The following SRR variants were observed in gnomAD, a reference collection of about 807,000 sequenced individuals.
SRR encodes the protein serine racemase.
In SRR, 19 loss-of-function variants were observed where a neutral mutation model predicts 32.7. The ratio of observed to expected loss-of-function variants is 0.58; its 90% CI spans 0.40 to 0.85. The LOEUF (loss-of-function observed/expected upper bound fraction) is 0.85, where lower values mean the gene tolerates loss of function less well. SRR is among the 40% of genes least tolerant of loss of function. SRR has a pLI of 0.00. For synonymous variants in SRR, 142 were observed against 140.9 expected (o/e 1.01, Z -0.06); for missense variants, 373 against 404.7 (o/e 0.92, Z 0.67).
In SRR at chr17:2,324,297, G is replaced by A. The variant is rs767241753; in HGVS notation, c.*424G>A. Reference sequence around the variant, plus strand: ...TCATAAGTCCATTTGGGGAAGACTCGTTTATACAGGTTCATCAGTACTGTG... The same window carrying A: ...TCATAAGTCCATTTGGGGAAGACTCATTTATACAGGTTCATCAGTACTGTG... On this transcript the variant is annotated 3_prime_UTR_variant, in exon 8 of 8. Coordinates refer to ENST00000344595, the MANE Select transcript of SRR (RefSeq NM_021947.3). 3.0e-5 allele frequency: 47 copies of A among 1,561,306 alleles called. No individual in the cohort carries two copies. The highest frequency in any genetic ancestry group is 3.8e-5 in the Non-Finnish European group (44 of 1,158,494).
In SRR at chr17:2,324,274, A is replaced by G. The variant is rs747070661; in HGVS notation, c.*401A>G. On this transcript the variant is annotated 3_prime_UTR_variant, in exon 8 of 8. Transcript: ENST00000344595. Reference sequence around the variant, plus strand: ...GTACTGGTTCTGGTACATATGGATCATAAGTCCATTTGGGGAAGACTCGTT... The same window carrying G: ...GTACTGGTTCTGGTACATATGGATCGTAAGTCCATTTGGGGAAGACTCGTT... The G allele has an allele frequency of 9.7e-6, 15 of 1,554,252 alleles. No individual in the cohort carries two copies. In the African/African-American group the frequency reaches 9.7e-5, roughly 10 times the overall value.
At chr17:2,306,040 G>C (rs976886010) in intron 1 of SRR, among the ~76,000 whole-genome samples, 1 of 150,614 alleles carries the variant, frequency 6.6e-6, no homozygotes, top group Non-Finnish European at 1.5e-5. Context: ...CAAGTTGGCC[G>C]GGCGCGGTGG....
At chr17:2,306,881 C>A in intron 1 of SRR, 2 of 911,532 alleles carry the variant, frequency 2.2e-6, no homozygotes, top group Non-Finnish European at 3.6e-6. Context: ...GGAACACTCG[C>A]GGACTGTGTG....
intron 1 of SRR, among the ~76,000 whole-genome samples, chr17:2,314,167 G>A (rs2075453443): frequency 6.6e-6 from 1 of 152,122 alleles, no homozygotes; most frequent in African/African-American, 2.4e-5. Flanking sequence ...AATGCAGAAG[G>A]AGCCGGGCGC....
upstream of SRR, chr17:2,303,596 G>T (rs1473422611): frequency 7.2e-7 from 1 of 1,393,584 alleles, no homozygotes; most frequent in Admixed American, 3.4e-5. Flanking sequence ...AGGCGGGGCG[G>T]GCAGGCCCGG....
chr17:2,310,769 CAG>C (rs1453713762), intron 1 of SRR, among the ~76,000 whole-genome samples: 1 of 151,864 alleles, frequency 6.6e-6, no homozygotes, highest in African/African-American at 2.4e-5. Flanking sequence ...TTGTTTGAGA[CAG>C]AGTCTTGCTC....
intron 2 of SRR, among the ~76,000 whole-genome samples, chr17:2,316,886 T>C (rs1399955614): frequency 6.7e-6 from 1 of 150,124 alleles, no homozygotes. Context: ...CTAATTTTTT[T>C]TTTTTTTTTT....
intron 1 of SRR, among the ~76,000 whole-genome samples, chr17:2,308,078 AT>A (rs1288670951): frequency 6.6e-6 from 1 of 151,418 alleles, no homozygotes; most frequent in Admixed American, 6.6e-5. Flanking sequence ...AAAACCACCA[AT>A]TTTAAATAAT....
At chr17:2,316,441 T>C (rs1025141478) in intron 2 of SRR, among the ~76,000 whole-genome samples, 1 of 152,234 alleles carries the variant, frequency 6.6e-6, no homozygotes, top group Non-Finnish European at 1.5e-5. Context: ...ACACCTGAAC[T>C]GTTGCAGGCA....
At position 2,315,666 on chromosome 17, in the gene SRR, C is replaced by T; in HGVS notation, c.106C>T (p.Gln36Ter). ...AGTGCTAACAAGCTCCATTTTGAATCAACTAACAGGGCGCAATCTTTTCTT... is the reference window on the plus strand; with the variant it reads ...AGTGCTAACAAGCTCCATTTTGAATTAACTAACAGGGCGCAATCTTTTCTT... ...TPVLTSSILNQLTGRNLFFKC... is the reference protein window; with the variant it reads ...TPVLTSSILN Residue 36 changes from glutamine (Q) to a stop codon, truncating the protein, a stop_gained, in exon 2 of 8, where the codon CAA (glutamine) becomes TAA (stop). Coordinates refer to ENST00000344595, the MANE Select transcript of SRR (RefSeq NM_021947.3). LOFTEE classifies it high-confidence loss of function. 3 of 1,614,122 alleles carry T rather than the reference C, an allele frequency of 1.9e-6. No homozygotes were observed. Among genetic ancestry groups the T allele is most frequent in the Non-Finnish European group, 2.5e-6 (3 of 1,180,026 alleles).
At chr17:2,305,065 C>T (rs2075375568) in intron 1 of SRR, among the ~76,000 whole-genome samples, 1 of 152,156 alleles carries the variant, frequency 6.6e-6, no homozygotes, top group African/African-American at 2.4e-5. Context: ...TCTGACAGAA[C>T]TCCTTCAGTT....
At chr17:2,307,282 T>C in intron 1 of SRR, 1 of 1,144,754 alleles carries the variant, frequency 8.7e-7, no homozygotes, top group Non-Finnish European at 1.3e-6. Flanking sequence ...TGGCCACAAC[T>C]GTGAAATTAG....
chr17:2,312,643 T>C (rs1026195139), intron 1 of SRR, among the ~76,000 whole-genome samples: 8 of 152,048 alleles, frequency 5.3e-5, no homozygotes, highest in Non-Finnish European at 8.8e-5. Context: ...AAAAATGATA[T>C]AGGACGGATG....
chr17:2,312,214 TAAAA>T (rs57198538), intron 1 of SRR, among the ~76,000 whole-genome samples: 2 of 119,564 alleles, frequency 1.7e-5, no homozygotes, highest in Non-Finnish European at 3.4e-5. Flanking sequence ...AGACCTTATC[TAAAA>T]AAAAAAAAAA....
chr17:2,315,172 C>T lies in SRR; in HGVS notation c.-4-385C>T, dbSNP rs1314482474. On this transcript the variant is annotated intron_variant, in intron 1 of 7. Transcript: ENST00000344595. ...CAGGAGAATTGCTTGACCCGGGAGG[C>T]GGAGGTTGCAGTGAGCCGAGATTGT... 2.8e-5 allele frequency among the ~76,000 whole-genome samples: 4 copies of T among 145,176 alleles called. No homozygotes were observed. In the Admixed American group the frequency reaches 2.9e-4, roughly 10 times the overall value.
intron 1 of SRR, chr17:2,307,556 C>T (rs1278933764): frequency 8.9e-7 from 1 of 1,124,876 alleles, no homozygotes; most frequent in African/African-American, 1.5e-5. Flanking sequence ...GCAATTACAA[C>T]AATTAGTCTT....
intron 2 of SRR, among the ~76,000 whole-genome samples, chr17:2,316,340 C>A (rs2075472513): frequency 6.6e-6 from 1 of 152,110 alleles, no homozygotes; most frequent in Non-Finnish European, 1.5e-5. Context: ...ATTATATATA[C>A]CATCACTTAC....
intron 4 of SRR, 56 bp downstream of exon 4, chr17:2,318,985 T>C: frequency 8.1e-7 from 1 of 1,234,706 alleles, no homozygotes; most frequent in Non-Finnish European, 1.2e-6. Flanking sequence ...CCAATGGCTC[T>C]TTCTACCTTA....
intron 1 of SRR, 144 bp from the exon 2 acceptor site, chr17:2,315,413 G>A (rs938265131): frequency 9.0e-6 from 7 of 775,118 alleles, no homozygotes; most frequent in African/African-American, 9.0e-5. Context: ...TCTCTTTTAG[G>A]GAAATTCTGA....
Sources: gnomAD v4.1 joint callset for allele counts (sites outside exome capture counted in the v4.1 genomes callset) on GRCh38, gnomAD v4.1.1 for gene constraint, MANE v1.5 for transcripts, NCBI Gene and HGNC (gene_info 2026-07-23, HGNC 2026-07-21) for gene names.